The following CD44 variants were observed in gnomAD, a reference collection of about 807,000 sequenced individuals.
The protein encoded by CD44 is CD44 molecule (IN blood group), also known as CD44 antigen.
A neutral mutation model predicts 88.8 loss-of-function variants in CD44; 49 were observed. The observed-to-expected ratio is 0.55, with a 90% confidence interval of 0.44 to 0.70. The LOEUF is 0.70. CD44 is among the 30% of genes least tolerant of loss of function. The pLI, the probability that CD44 is intolerant of heterozygous loss-of-function variation, is 0.00. For synonymous variants in CD44, 325 were observed against 312.3 expected, an observed-to-expected ratio of 1.04 and a Z score of -0.43; for missense variants, 883 against 913.8, an observed-to-expected ratio of 0.97 and a Z score of 0.43.
chr11:35,215,833 C>T (rs1426617492), intron 15 of CD44, among the ~76,000 whole-genome samples: 1 of 151,608 alleles, frequency 6.6e-6, no homozygotes, highest in East Asian at 1.9e-4. Flanking sequence ...GATTGCACCA[C>T]TGCACTCCAG....
chr11:35,209,323 G>A (rs891134255), intron 12 of CD44, among the ~76,000 whole-genome samples: 11 of 152,208 alleles, frequency 7.2e-5, no homozygotes, highest in African/African-American at 2.7e-4. Flanking sequence ...GCCCAGGCAA[G>A]CGTTTCCTTG....
At chr11:35,171,520 TTGTC>T (rs1361279413) in intron 1 of CD44, among the ~76,000 whole-genome samples, 9 of 152,368 alleles carry the variant, frequency 5.9e-5, no homozygotes, top group South Asian at 2.1e-4. Context: ...AAGGTTGAGT[TTGTC>T]TGTTTCATCC....
chr11:35,158,542 C>T (rs139815479), intron 1 of CD44, among the ~76,000 whole-genome samples: 4 of 152,296 alleles, frequency 2.6e-5, no homozygotes, highest in African/African-American at 7.2e-5. Flanking sequence ...GATAGAACGA[C>T]TGGCATGGAG....
intron 1 of CD44, among the ~76,000 whole-genome samples, chr11:35,172,613 T>C (rs1161366649): frequency 6.6e-6 from 1 of 152,206 alleles, no homozygotes; most frequent in East Asian, 1.9e-4. Context: ...GTTATCTGTT[T>C]GTAAGCTGCT....
At chr11:35,165,701 C>T (rs1943182139) in intron 1 of CD44, among the ~76,000 whole-genome samples, 1 of 152,168 alleles carries the variant, frequency 6.6e-6, no homozygotes, top group Non-Finnish European at 1.5e-5. Flanking sequence ...CTTTTTATTT[C>T]ATCTTGGGTG....
chr11:35,164,435 A>C (rs17446427), intron 1 of CD44, among the ~76,000 whole-genome samples: 2,064 of 152,318 alleles, frequency 0.014, 17 homozygotes, highest in Middle Eastern at 0.02. Flanking sequence ...TACATTGCAG[A>C]ATCTTTTCTT....
chr11:35,178,709 G>T (rs1276277426), intron 2 of CD44, among the ~76,000 whole-genome samples: 1 of 152,176 alleles, frequency 6.6e-6, no homozygotes, highest in African/African-American at 2.4e-5. Flanking sequence ...AGCTTACAAA[G>T]AGAATGCAAT....
At chr11:35,144,603 C>T (rs942256427) in intron 1 of CD44, among the ~76,000 whole-genome samples, 7 of 152,188 alleles carry the variant, frequency 4.6e-5, no homozygotes, top group African/African-American at 1.7e-4. Context: ...GCAAGCCCAA[C>T]TTGCCAGAGT....
intron 17 of CD44, among the ~76,000 whole-genome samples, chr11:35,228,282 G>A (rs1318774243): frequency 6.6e-6 from 1 of 152,164 alleles, no homozygotes; most frequent in Non-Finnish European, 1.5e-5. Context: ...AGAATAATTT[G>A]TCTTATGTTA....
At chr11:35,203,497 T>A (rs79685344) in intron 9 of CD44, among the ~76,000 whole-genome samples, 12,773 of 152,176 alleles carry the variant, frequency 0.084, 746 homozygotes, top group Admixed American at 0.19. Context: ...AGATTTTGGC[T>A]TTTTTCCCCC....
At chr11:35,224,423 A>G (rs1949548137) in intron 17 of CD44, among the ~76,000 whole-genome samples, 1 of 152,204 alleles carries the variant, frequency 6.6e-6, no homozygotes, top group African/African-American at 2.4e-5. Context: ...GTGAGGCTCC[A>G]GAGAAGATTT....
intron 7 of CD44, 123 bp from the exon 8 acceptor site, chr11:35,200,959 A>G (rs111628556): frequency 2.7e-6 from 2 of 740,042 alleles, no homozygotes; most frequent in Non-Finnish European, 4.9e-6. Context: ...CCATGCAGCC[A>G]TCTATACAAC....
intron 17 of CD44, among the ~76,000 whole-genome samples, chr11:35,223,898 G>T (rs1468793939): frequency 6.6e-6 from 1 of 152,110 alleles, no homozygotes; most frequent in African/African-American, 2.4e-5. Context: ...GGTTGAAAAT[G>T]GGGCCTCCAA....
chr11:35,151,311 C>T (rs907637819), intron 1 of CD44, among the ~76,000 whole-genome samples: 1 of 152,108 alleles, frequency 6.6e-6, no homozygotes, highest in Admixed American at 6.5e-5. Context: ...TGTCCACTGG[C>T]AGAAGATCCA....
chr11:35,191,012 G>C (rs947188687), intron 5 of CD44, among the ~76,000 whole-genome samples: 4 of 152,104 alleles, frequency 2.6e-5, no homozygotes, highest in African/African-American at 9.7e-5. Context: ...TTTGAAATGG[G>C]CTCCCAGATG....
Position 35,231,955 on chromosome 11 carries a change from CT to C in CD44, c.*2623del, listed in dbSNP as rs1370337970. On this transcript the variant is annotated 3_prime_UTR_variant, in exon 18 of 18. Transcript: ENST00000428726. ...ACATCTTCGAATCCATATTTCAAGC[CT>C]GGTAGAATTGGCTTTTCTAGCAGAA... 1 of 152,206 alleles carries C rather than the reference CT, an allele frequency of 6.6e-6. No homozygotes were observed. Among genetic ancestry groups the C allele is most frequent in the Non-Finnish European group, 1.5e-5 (1 of 68,002 alleles). The allele number at this position is 152,206 out of a possible 1,614,324, so 9.4% of individuals were successfully genotyped here.
intron 5 of CD44, among the ~76,000 whole-genome samples, chr11:35,195,209 A>T (rs1210973003): frequency 1.3e-5 from 2 of 152,208 alleles, no homozygotes; most frequent in Non-Finnish European, 2.9e-5. Context: ...ATTAACTTTC[A>T]TTGATGGAGT....
intron 17 of CD44, 96 bp from the exon 18 acceptor site, chr11:35,229,033 C>A (rs1206692199): frequency 7.7e-6 from 8 of 1,032,482 alleles, no homozygotes; most frequent in South Asian, 1.5e-5. Flanking sequence ...CATCATAAAC[C>A]ATAGTGATCA....
intron 5 of CD44, among the ~76,000 whole-genome samples, chr11:35,195,732 T>C (rs185941214): frequency 1.3e-5 from 2 of 152,230 alleles, no homozygotes; most frequent in East Asian, 3.9e-4. Flanking sequence ...TTGGAGATTT[T>C]TAAATCAAGA....
Sources: gnomAD v4.1 joint callset for allele counts (sites outside exome capture counted in the v4.1 genomes callset) on GRCh38, gnomAD v4.1.1 for gene constraint, MANE v1.5 for transcripts, NCBI Gene and HGNC (gene_info 2026-07-23, HGNC 2026-07-21) for gene names.